The following CYP39A1 variants were observed in gnomAD, a reference collection of about 807,000 sequenced individuals.
The protein encoded by CYP39A1 is 24-hydroxycholesterol 7-alpha-hydroxylase.
CYP39A1 carries 49 observed loss-of-function variants against 58.1 expected under a neutral mutation model. The ratio of observed to expected loss-of-function variants is 0.84; its 90% CI spans 0.67 to 1.07. CYP39A1 has a LOEUF of 1.07. CYP39A1 is among the 50% of genes least tolerant of loss of function. The pLI is 0.00. For missense variants in CYP39A1, 531 were observed against 539.4 expected, an observed-to-expected ratio of 0.98 and a Z score of 0.16; for synonymous variants, 209 against 187.6, an observed-to-expected ratio of 1.11 and a Z score of -0.93.
At chr6:46,589,270 T>C (rs377654840) in intron 8 of CYP39A1, among the ~76,000 whole-genome samples, 3 of 152,014 alleles carry the variant, frequency 2.0e-5, no homozygotes, top group East Asian at 3.9e-4. Context: ...CTAGGCAACA[T>C]AGGAAGACCT....
chr6:46,622,325 GTTAA>G (rs1775004291), intron 7 of CYP39A1, among the ~76,000 whole-genome samples: 1 of 151,890 alleles, frequency 6.6e-6, no homozygotes, highest in African/African-American at 2.4e-5. Context: ...TTTATGGTAT[GTTAA>G]TTATCTATGA....
intron 10 of CYP39A1, among the ~76,000 whole-genome samples, chr6:46,563,765 C>T (rs982825502): frequency 6.6e-6 from 1 of 152,066 alleles, no homozygotes; most frequent in Non-Finnish European, 1.5e-5. Context: ...CCAGAGCCAG[C>T]AGAAAACATG....
At chr6:46,581,367 G>C (rs1380398003) in intron 10 of CYP39A1, among the ~76,000 whole-genome samples, 1 of 149,466 alleles carries the variant, frequency 6.7e-6, no homozygotes, top group Non-Finnish European at 1.5e-5. Flanking sequence ...CTATGATCAC[G>C]CCAGTGCACT....
intron 7 of CYP39A1, among the ~76,000 whole-genome samples, chr6:46,617,277 G>T (rs1774667343): frequency 6.6e-6 from 1 of 152,080 alleles, no homozygotes. Flanking sequence ...TATATGTAAA[G>T]TTTTATAACT....
At chr6:46,639,384 A>T in intron 3 of CYP39A1, 110 bp downstream of exon 3, 2 of 1,026,660 alleles carry the variant, frequency 1.9e-6, no homozygotes, top group Non-Finnish European at 2.9e-6. Flanking sequence ...TAGCCTAGTT[A>T]GGTAGATTTC....
At position 46,631,064 on chromosome 6, in the gene CYP39A1, A is replaced by G. The variant is rs1344127466; in HGVS notation, c.739T>C (p.Leu247=). 6.2e-7 allele frequency: 1 copy of G among 1,612,452 alleles called. No individual in the cohort carries two copies. Among genetic ancestry groups the G allele is most frequent in the African/African-American group, 1.3e-5 (1 of 74,914 alleles). Residue 247 remains leucine (L), a synonymous_variant, in exon 6 of 12, where the codon TTG becomes CTG. Transcript: ENST00000275016. ...KSAKDNSMTL[L]QATLDIVETE... ...TCTACAATATCCAGCGTAGCTTGCA[A>G]TAATGTCTGTTTAAAAGAAATAAAC...
intron 10 of CYP39A1, among the ~76,000 whole-genome samples, chr6:46,557,383 G>A (rs971502952): frequency 2.6e-5 from 4 of 151,858 alleles, no homozygotes; most frequent in African/African-American, 9.7e-5. Context: ...GTTCATGCCT[G>A]TAATCTCAGC....
chr6:46,623,589 G>A (rs1183822034), intron 7 of CYP39A1, among the ~76,000 whole-genome samples: 1 of 151,970 alleles, frequency 6.6e-6, no homozygotes, highest in Non-Finnish European at 1.5e-5. Flanking sequence ...TCCATAGTCA[G>A]GTCAGCCAAT....
chr6:46,600,537 C>A (rs960351341), intron 7 of CYP39A1, among the ~76,000 whole-genome samples: 123 of 152,236 alleles, frequency 8.1e-4, no homozygotes, highest in African/African-American at 2.9e-3. Context: ...CAGCCCCATT[C>A]CCCAGCCTCT....
At position 46,642,601 on chromosome 6, in the gene CYP39A1, T is replaced by A. The variant is rs536819199; in HGVS notation, c.178-303A>T. Among the ~76,000 whole-genome samples, 10 of 152,258 alleles carry A rather than the reference T, an allele frequency of 6.6e-5. No homozygotes were observed. The East Asian group carries it at 1.9e-3, about 29-fold the overall frequency. ...AAATAATTAGAAATTATATCAACAT[T>A]GTGACATTTAAACATTGTTTTCAAG... is the stretch of plus-strand genomic sequence containing the variant. On this transcript the variant is annotated intron_variant, in intron 1 of 11. Coordinates refer to ENST00000275016, the MANE Select transcript of CYP39A1 (RefSeq NM_016593.5).
Position 46,575,332 on chromosome 6 carries a change from G to A in CYP39A1, c.1250+11745C>T, listed in dbSNP as rs566214356. Among the ~76,000 whole-genome samples the A allele has an allele frequency of 6.2e-4, 94 of 152,278 alleles. 1 individual carries two copies. The South Asian group carries it at 0.019, about 30-fold the overall frequency. On this transcript the variant is annotated intron_variant, in intron 10 of 11. Transcript: ENST00000275016. The stretch of plus-strand genomic sequence containing the variant: ...TAGGTGACTTTAGCCTTTGTTAGCT[G>A]CTGGACCTGGAGAGAGTGGGGTTGT...
At chr6:46,635,232 A>G (rs1294879163) in intron 5 of CYP39A1, among the ~76,000 whole-genome samples, 1 of 152,234 alleles carries the variant, frequency 6.6e-6, no homozygotes, top group Admixed American at 6.5e-5. Context: ...AACAATGATA[A>G]GCTCCTATCC....
At chr6:46,565,669 C>T (rs190183468) in intron 10 of CYP39A1, among the ~76,000 whole-genome samples, 552 of 152,182 alleles carry the variant, frequency 3.6e-3, no homozygotes, top group South Asian at 0.013. Context: ...AACTGTGCAA[C>T]CACAGAGGGA....
At chr6:46,647,152 T>C (rs766111189) in intron 1 of CYP39A1, among the ~76,000 whole-genome samples, 2 of 152,162 alleles carry the variant, frequency 1.3e-5, no homozygotes, top group South Asian at 2.1e-4. Context: ...TCTTTTCTAA[T>C]ATAAGCACAT....
intron 7 of CYP39A1, among the ~76,000 whole-genome samples, chr6:46,609,191 G>A (rs1774046502): frequency 6.6e-6 from 1 of 151,866 alleles, no homozygotes; most frequent in South Asian, 2.1e-4. Flanking sequence ...TACGAGGTCA[G>A]AAGATCGAGA....
chr6:46,579,882 C>CT (rs1772029724), intron 10 of CYP39A1, among the ~76,000 whole-genome samples: 1 of 152,070 alleles, frequency 6.6e-6, no homozygotes, highest in Non-Finnish European at 1.5e-5. Flanking sequence ...GAAAGTGTTC[C>CT]ATGCTCATAG....
chr6:46,585,704 G>GTCCT (rs1334564502), intron 10 of CYP39A1, among the ~76,000 whole-genome samples: 16 of 152,224 alleles, frequency 1.1e-4, no homozygotes. Flanking sequence ...GACTTAAAAA[G>GTCCT]TAAGGACACT....
chr6:46,562,322 C>A (rs1385024687), intron 10 of CYP39A1, among the ~76,000 whole-genome samples: 1 of 151,814 alleles, frequency 6.6e-6, no homozygotes, highest in Non-Finnish European at 1.5e-5. Context: ...TGTGTCCAGA[C>A]TAAGAGAGTA....
rs193159557 is a variant in CYP39A1, at chr6:46,586,600, T to C, written c.1250+477A>G. On this transcript the variant is annotated intron_variant, in intron 10 of 11. Coordinates refer to ENST00000275016, the MANE Select transcript of CYP39A1 (RefSeq NM_016593.5). ...GGGCTGGGTGCCAGATTAATTTAACTATAAAAGGTATCAAAAGAAAGTTTT... is the reference window on the plus strand; with the variant it reads ...GGGCTGGGTGCCAGATTAATTTAACCATAAAAGGTATCAAAAGAAAGTTTT... The C allele has an allele frequency of 3.9e-5, 38 of 982,862 alleles. No homozygotes were observed. The East Asian group carries it at 3.2e-3, about 82-fold the overall frequency. 60.9% of individuals were successfully genotyped at this position (982,862 alleles called of 1,614,324 possible). A position where few individuals can be genotyped will look rare whatever the true frequency, so the allele number is the denominator to read the frequency against.
Sources: gnomAD v4.1 joint callset for allele counts (sites outside exome capture counted in the v4.1 genomes callset) on GRCh38, gnomAD v4.1.1 for gene constraint, MANE v1.5 for transcripts, NCBI Gene and HGNC (gene_info 2026-07-23, HGNC 2026-07-21) for gene names.